The following MAPT variants were observed in gnomAD, a reference collection of about 807,000 sequenced individuals.
MAPT encodes the protein microtubule-associated protein tau.
In MAPT, 34 loss-of-function variants were observed where a neutral mutation model predicts 67.9. That is an observed-to-expected ratio of 0.50 (90% CI 0.38 to 0.67). MAPT has a LOEUF of 0.67. Ranked by LOEUF, MAPT falls within the 30% of genes least tolerant of loss-of-function variation. MAPT has a pLI of 0.00. For missense variants in MAPT, 881 were observed against 1,115.2 expected, an observed-to-expected ratio of 0.79 and a Z score of 2.99; for synonymous variants, 456 against 464.5, an observed-to-expected ratio of 0.98 and a Z score of 0.23.
chr17:45,910,272 T>C (rs934324887), intron 1 of MAPT, among the ~76,000 whole-genome samples: 2 of 152,180 alleles, frequency 1.3e-5, no homozygotes, highest in Non-Finnish European at 2.9e-5. Context: ...CATTTGATTC[T>C]TAACATGAGC....
intron 1 of MAPT, among the ~76,000 whole-genome samples, chr17:45,959,869 GCTAA>G (rs752337392): frequency 3.5e-4 from 54 of 152,292 alleles, no homozygotes; most frequent in East Asian, 7.7e-4. Flanking sequence ...CCATTTCAGT[GCTAA>G]CTATTAGGGG....
intron 1 of MAPT, among the ~76,000 whole-genome samples, chr17:45,905,097 C>T (rs886817110): frequency 2.6e-5 from 4 of 152,176 alleles, no homozygotes; most frequent in African/African-American, 7.2e-5. Context: ...CCCAGTGCAG[C>T]GGCTCAGCCT....
At chr17:45,966,607 A>G (rs941445985) in intron 2 of MAPT, among the ~76,000 whole-genome samples, 7 of 152,228 alleles carry the variant, frequency 4.6e-5, no homozygotes, top group African/African-American at 1.2e-4. Flanking sequence ...AAAATGAAAT[A>G]AAGTCCAGGA....
At chr17:45,929,321 G>A (rs780837617) in intron 1 of MAPT, among the ~76,000 whole-genome samples, 1 of 152,198 alleles carries the variant, frequency 6.6e-6, no homozygotes, top group African/African-American at 2.4e-5. Context: ...TTAGGTGATG[G>A]AGCACAAATA....
In MAPT at chr17:46,024,039, G is replaced by T. The variant is rs1225920523; in HGVS notation, c.2370G>T (p.Val790=). The part of the protein sequence containing the change: ...HGAEIVYKSP[V]VSGDTSPRHL... ...CGGAGATCGTGTACAAGTCGCCAGT[G>T]GTGTCTGGGGACACGTCTCCACGGC... The change falls in exon 13 of 13, where the codon GTG becomes GTT. Residue 790 remains valine, a synonymous_variant. Transcript: ENST00000262410. 6.2e-7 allele frequency: 1 copy of T among 1,614,010 alleles called. No individual in the cohort carries two copies. The highest frequency in any genetic ancestry group is 1.3e-5 in the African/African-American group (1 of 74,926).
intron 9 of MAPT, among the ~76,000 whole-genome samples, chr17:46,008,513 G>A (rs757322678): frequency 7.2e-5 from 11 of 152,272 alleles, no homozygotes; most frequent in Non-Finnish European, 1.3e-4. Flanking sequence ...AAATGCAATC[G>A]TGATTGTGTT....
Position 45,984,050 on chromosome 17 carries a change from G to A in MAPT, c.1351+120G>A, listed in dbSNP as rs1158858915. ...CTGCTGCTTCTGACGTTCCTAGGACGCCACTAAATCGACACCTGGGTGCAG... is the reference window on the plus strand; with the variant it reads ...CTGCTGCTTCTGACGTTCCTAGGACACCACTAAATCGACACCTGGGTGCAG... On this transcript the variant is annotated intron_variant, in intron 5 of 12. Coordinates refer to ENST00000262410, the MANE Select transcript of MAPT (RefSeq NM_001377265.1). The A allele has an allele frequency of 1.1e-5, 10 of 882,638 alleles. No individual in the cohort carries two copies. In the Admixed American group the frequency reaches 1.2e-4, roughly 10 times the overall value. 54.7% of individuals were successfully genotyped at this position (882,638 alleles called of 1,614,324 possible). A position where few individuals can be genotyped will look rare whatever the true frequency, so the allele number is the denominator to read the frequency against.
intron 9 of MAPT, among the ~76,000 whole-genome samples, chr17:46,005,007 A>G (rs1028511445): frequency 6.6e-6 from 1 of 152,110 alleles, no homozygotes; most frequent in African/African-American, 2.4e-5. Flanking sequence ...GATGGTCTCA[A>G]TCTCCTGACC....
chr17:45,899,341 T>C (rs900655771), intron 1 of MAPT, among the ~76,000 whole-genome samples: 1 of 152,134 alleles, frequency 6.6e-6, no homozygotes, highest in African/African-American at 2.4e-5. Flanking sequence ...ACTGCTGGGG[T>C]TGACACTGGC....
intron 5 of MAPT, among the ~76,000 whole-genome samples, chr17:45,984,558 C>T (rs1043642116): frequency 1.3e-5 from 2 of 152,190 alleles, no homozygotes; most frequent in East Asian, 3.9e-4. Flanking sequence ...CAGAGGTGGC[C>T]CAGAGCTCAT....
chr17:45,997,220 G>A (rs12051901), intron 9 of MAPT, among the ~76,000 whole-genome samples: 30,714 of 152,156 alleles, frequency 0.2, 3,828 homozygotes, highest in South Asian at 0.39. Flanking sequence ...CACAGACTTC[G>A]GGGGCCTGGC....
At chr17:45,985,753 G>T in intron 5 of MAPT, 1 of 984,946 alleles carries the variant, frequency 1.0e-6, no homozygotes, top group Non-Finnish European at 1.2e-6. Flanking sequence ...ACGTGAGTCA[G>T]ATCCGCCTGG....
chr17:45,924,810 G>A (rs188699834), intron 1 of MAPT, among the ~76,000 whole-genome samples: 64 of 152,318 alleles, frequency 4.2e-4, no homozygotes, highest in Admixed American at 2.7e-3. Flanking sequence ...AGCAAGAGGC[G>A]CAGTTGCTTT....
chr17:45,970,388 A>G (rs2071542476), intron 2 of MAPT, among the ~76,000 whole-genome samples: 1 of 152,098 alleles, frequency 6.6e-6, no homozygotes. Context: ...TCATCCATCC[A>G]TCCATCCACC....
chr17:45,921,089 A>C (rs1042112694), intron 1 of MAPT, among the ~76,000 whole-genome samples: 1 of 152,234 alleles, frequency 6.6e-6, no homozygotes, highest in African/African-American at 2.4e-5. Flanking sequence ...CCAGACTTTT[A>C]AATGAAAGTT....
intron 8 of MAPT, 73 bp downstream of exon 8, chr17:45,991,659 C>T (rs1000870541): frequency 3.1e-6 from 5 of 1,607,546 alleles, no homozygotes; most frequent in Non-Finnish European, 4.3e-6. Context: ...TTTAGGAGGC[C>T]TTAGGCCACT....
Position 45,906,540 on chromosome 17 carries a change from G to A in MAPT, c.-18+11854G>A, listed in dbSNP as rs1313470823. 6.6e-6 allele frequency among the ~76,000 whole-genome samples: 1 copy of A among 152,084 alleles called. No individual in the cohort carries two copies. Among genetic ancestry groups the A allele is most frequent in the African/African-American group, 2.4e-5 (1 of 41,406 alleles). On this transcript the variant is annotated intron_variant, in intron 1 of 12. Transcript: ENST00000262410. The surrounding 1 kb of genome is among the most constrained non-coding windows in gnomAD (Gnocchi z 4.3). ...CCTGGCATTTGAATTGAGCCAGAGC[G>A]GGGCTAAAGTCAGTTTGCCTTCACC...
At chr17:46,009,906 A>T (rs1371340494) in intron 9 of MAPT, among the ~76,000 whole-genome samples, 2 of 152,132 alleles carry the variant, frequency 1.3e-5, no homozygotes, top group African/African-American at 4.8e-5. Flanking sequence ...GTGAGTGGAG[A>T]TGCCGGGGAA....
chr17:45,946,615 A>AAATATAT, intron 1 of MAPT, among the ~76,000 whole-genome samples: 2 of 100,408 alleles, frequency 2.0e-5, no homozygotes, highest in African/African-American at 8.7e-5. Context: ...AAAAAAAAAA[A>AAATATAT]ATATATATAT....
Sources: gnomAD v4.1 joint callset for allele counts (sites outside exome capture counted in the v4.1 genomes callset) on GRCh38, gnomAD v4.1.1 for gene constraint, Gnocchi (gnomAD v3.1) non-coding constraint, MANE v1.5 for transcripts, NCBI Gene and HGNC (gene_info 2026-07-23, HGNC 2026-07-21) for gene names.